ETV4: variants seen among roughly 807,000 people sequenced by gnomAD.
ETV4 encodes the protein ETS translocation variant 4.
ETV4 carries 42 observed loss-of-function variants against 65.9 expected under a neutral mutation model. The ratio of observed to expected loss-of-function variants is 0.64; its 90% CI spans 0.50 to 0.82. The LOEUF (loss-of-function observed/expected upper bound fraction) is 0.82, where lower values mean the gene tolerates loss of function less well. ETV4 is among the 40% of genes least tolerant of loss of function. ETV4 has a pLI of 0.00. For synonymous variants in ETV4, 238 were observed against 260.0 expected (o/e 0.92, Z 0.81); for missense variants, 583 against 630.3 (o/e 0.92, Z 0.80).
chr17:43,529,310 C>T lies in ETV4; in HGVS notation c.1129-74G>A. The T allele has an allele frequency of 5.4e-6, 8 of 1,489,316 alleles. No homozygotes were observed. In the South Asian group the frequency reaches 5.7e-5, roughly 11 times the overall value. 92.3% of individuals were successfully genotyped at this position (1,489,316 alleles called of 1,614,324 possible). A position where few individuals can be genotyped will look rare whatever the true frequency, so the allele number is the denominator to read the frequency against. On this transcript the variant is annotated intron_variant, in intron 11 of 12. Transcript: ENST00000319349. ...AAAATGGGGGTAAGGTCAGAAAGAG[C>T]ACTTGAGATTCTTGGTGCAAAGTGC...
At chr17:43,529,064 G>T in intron 12 of ETV4, 71 bp downstream of exon 12, 2 of 1,422,974 alleles carry the variant, frequency 1.4e-6, no homozygotes, top group Non-Finnish European at 2.0e-6. Flanking sequence ...CTGCCCTGCT[G>T]ACCCTCTCCC....
In ETV4 at chr17:43,529,895, T is replaced by C; in HGVS notation, c.944A>G (p.Glu315Gly). The C allele has an allele frequency of 6.2e-7, 1 of 1,614,138 alleles. No individual in the cohort carries two copies. The highest frequency in any genetic ancestry group is 8.5e-7 in the Non-Finnish European group (1 of 1,180,030). The change falls in exon 10 of 13, where the codon GAG (glutamate) becomes GGG (glycine). Residue 315 changes from glutamate (E) to glycine (G), a missense_variant. Coordinates refer to ENST00000319349, the MANE Select transcript of ETV4 (RefSeq NM_001079675.5). ...GTCACTTCTCTGACCTTCAAATTTC[T>C]CAGGGACAACGCAGACATCATCTGG... ...PFPDDVCVVP[E>G]KFEGDIKQEG...
intron 4 of ETV4, among the ~76,000 whole-genome samples, chr17:43,539,025 G>A (rs1339645612): frequency 6.6e-6 from 1 of 152,044 alleles, no homozygotes; most frequent in South Asian, 2.1e-4. Context: ...TTTCACCCAC[G>A]GCCTCTTACC....
chr17:43,532,923 G>C lies in ETV4; in HGVS notation c.562C>G (p.Pro188Ala), dbSNP rs771042178. 1 of 1,575,956 alleles carries C rather than the reference G, an allele frequency of 6.3e-7. No individual in the cohort carries two copies. Among genetic ancestry groups the C allele is most frequent in the Admixed American group, 1.9e-5 (1 of 53,988 alleles). Residue 188 changes from proline to alanine, a missense_variant, in exon 8 of 13, where the codon CCC becomes GCC. Coordinates refer to ENST00000319349, the MANE Select transcript of ETV4 (RefSeq NM_001079675.5). ...GTGAAGGAGTGGCAAATGTCCAGGG[G>C]CTGCTGGAAGACGGAGCTGGATGTG... The part of the protein sequence containing the change: ...LGEHSSVFQQ[P>A]LDICHSFTSQ...
chr17:43,536,621 T>C (rs1197217554), intron 4 of ETV4, 142 bp from the exon 5 acceptor site: 1 of 664,382 alleles, frequency 1.5e-6, no homozygotes, highest in African/African-American at 1.8e-5. Context: ...TTGTAAGAAT[T>C]GTCTTGGGCC....
In ETV4 at chr17:43,533,848, C is replaced by A. The variant is rs1971092336; in HGVS notation, c.383+11G>T. ...TCTCCTACCCTTCACCAGGTCCAGGCTGGGGCTCACCTGGAGTAAAGGCAC... is the reference window on the plus strand; with the variant it reads ...TCTCCTACCCTTCACCAGGTCCAGGATGGGGCTCACCTGGAGTAAAGGCAC... On this transcript the variant is annotated intron_variant, in intron 6 of 12. Coordinates refer to ENST00000319349, the MANE Select transcript of ETV4 (RefSeq NM_001079675.5). 1 of 1,606,392 alleles carries A rather than the reference C, an allele frequency of 6.2e-7. No homozygotes were observed. Among genetic ancestry groups the A allele is most frequent in the East Asian group, 2.3e-5 (1 of 44,030 alleles).
rs1485072341 is a variant in ETV4, at chr17:43,527,883, G to A, written c.*636C>T. On this transcript the variant is annotated 3_prime_UTR_variant, in exon 13 of 13. Coordinates refer to ENST00000319349, the MANE Select transcript of ETV4 (RefSeq NM_001079675.5). ...GGGCCTTTATTAAGGTCTGGCAGAT[G>A]TGGTGGAGGTGGAAGTACAAACCCA... 6 of 232,032 alleles carry A rather than the reference G, an allele frequency of 2.6e-5. No homozygotes were observed. The highest frequency in any genetic ancestry group is 1.3e-4 in the African/African-American group (6 of 45,256). The allele number at this position is 232,032 out of a possible 1,614,324, so 14.4% of individuals were successfully genotyped here. A position where few individuals can be genotyped will look rare whatever the true frequency, so the allele number is the denominator to read the frequency against.
At chr17:43,538,989 T>G (rs1238142649) in intron 4 of ETV4, among the ~76,000 whole-genome samples, 1 of 152,204 alleles carries the variant, frequency 6.6e-6, no homozygotes, top group East Asian at 1.9e-4. Flanking sequence ...CTCTCTAGGC[T>G]AAGGCTCCAT....
intron 11 of ETV4, 107 bp from the exon 12 acceptor site, chr17:43,529,343 G>T: frequency 7.2e-7 from 1 of 1,398,254 alleles, no homozygotes; most frequent in South Asian, 1.2e-5. Context: ...TGCCAAGCTA[G>T]CTCTGCAACA....
At chr17:43,544,796 T>A (rs191655507) in intron 4 of ETV4, 179 bp downstream of exon 4, 1 of 598,188 alleles carries the variant, frequency 1.7e-6, no homozygotes, top group Non-Finnish European at 3.0e-6. Context: ...TCAATATAAG[T>A]GTCCACGCTG....
At chr17:43,533,016 T>C in intron 7 of ETV4, 77 bp from the exon 8 acceptor site, 2 of 1,516,214 alleles carry the variant, frequency 1.3e-6, no homozygotes, top group Non-Finnish European at 1.8e-6. Context: ...CTCCTAGGCT[T>C]TTAGAGTGGG....
At chr17:43,536,742 G>A (rs1971262861) in intron 4 of ETV4, among the ~76,000 whole-genome samples, 1 of 152,264 alleles carries the variant, frequency 6.6e-6, no homozygotes, top group Admixed American at 6.5e-5. Context: ...TGTTGGGCCT[G>A]GGCCGCATTC....
rs1318177645 is a variant in ETV4, at chr17:43,532,736, T to C, written c.749A>G (p.His250Arg). ...CACCACCCCCGCCCCTGGGTACCTGTGCCCATTGACCCCACCCTGGTCCAC... is the reference window on the plus strand; with the variant it reads ...CACCACCCCCGCCCCTGGGTACCTGCGCCCATTGACCCCACCCTGGTCCAC... ...PAVDQGGVNG[H>R]RYPGAGVVIK... is the part of the protein sequence containing the mutation. Residue 250 changes from histidine (H) to arginine (R), a missense_variant, in exon 8 of 13, where the codon CAC becomes CGC. Physicochemically the swap from His to Arg is conservative, Grantham distance 29. Transcript: ENST00000319349. 1 of 1,613,940 alleles carries C rather than the reference T, an allele frequency of 6.2e-7. No homozygotes were observed. Among genetic ancestry groups the C allele is most frequent in the African/African-American group, 1.3e-5 (1 of 74,898 alleles).
intron 1 of ETV4, chr17:43,545,879 C>A (rs1256041004): frequency 5.1e-6 from 3 of 587,000 alleles, no homozygotes; most frequent in Non-Finnish European, 9.1e-6. Flanking sequence ...AGGAGCCGGG[C>A]TCGCCGTTTC....
chr17:43,535,257 C>T (rs1971175417), intron 5 of ETV4, among the ~76,000 whole-genome samples: 1 of 151,864 alleles, frequency 6.6e-6, no homozygotes, highest in Admixed American at 6.6e-5. Flanking sequence ...AAGTATCTGA[C>T]ATTAAAGCAG....
At chr17:43,531,253 T>A (rs1297820127) in intron 8 of ETV4, among the ~76,000 whole-genome samples, 1 of 152,224 alleles carries the variant, frequency 6.6e-6, no homozygotes, top group Non-Finnish European at 1.5e-5. Context: ...GGGCTACTAA[T>A]GTAACAAAAG....
chr17:43,528,671 T>C lies in ETV4; in HGVS notation c.1303A>G (p.Asn435Asp). The C allele has an allele frequency of 6.2e-7, 1 of 1,614,194 alleles. No homozygotes were observed. ...TCAGCCTTGAGAGCTGGACGCTGAT[T>C]GTCCGGGAAGGCCAAAGAGAAGAGG... ...EALFSLAFPDNQRPALKAEFD... is the reference protein window; with the variant it reads ...EALFSLAFPDDQRPALKAEFD... The change falls in exon 13 of 13, where the codon AAT becomes GAT. Residue 435 changes from asparagine (N) to aspartate (D), a missense_variant. By Grantham distance (23) the Asn-to-Asp change is conservative. Transcript: ENST00000319349.
intron 8 of ETV4, among the ~76,000 whole-genome samples, chr17:43,531,801 T>C (rs1364319764): frequency 6.6e-6 from 1 of 152,228 alleles, no homozygotes; most frequent in Admixed American, 6.5e-5. Flanking sequence ...TTTCTCTTCA[T>C]TCAAATCCCT....
Position 43,545,547 on chromosome 17 carries a change from GC to G in ETV4, c.60+10del. On this transcript the variant is annotated intron_variant, in intron 2 of 12. Coordinates refer to ENST00000319349, the MANE Select transcript of ETV4 (RefSeq NM_001079675.5). ...GGGCGGGGCGGGCGTGGAGGCCGGCGCGGCGCTCACGCTGCTGAAGGTGTAG... is the reference window on the plus strand; with the variant it reads ...GGGCGGGGCGGGCGTGGAGGCCGGCGGGCGCTCACGCTGCTGAAGGTGTAG... 1 of 1,547,772 alleles carries G rather than the reference GC, an allele frequency of 6.5e-7. No homozygotes were observed. The highest frequency in any genetic ancestry group is 2.4e-5 in the East Asian group (1 of 40,826).
Sources: gnomAD v4.1 joint callset for allele counts (sites outside exome capture counted in the v4.1 genomes callset) on GRCh38, gnomAD v4.1.1 for gene constraint, MANE v1.5 for transcripts, NCBI Gene and HGNC (gene_info 2026-07-23, HGNC 2026-07-21) for gene names.